Variants in CFTR observed in about 807,000 individuals in gnomAD.
CFTR encodes the protein cystic fibrosis transmembrane conductance regulator.
In CFTR, 181 loss-of-function variants were observed where a neutral mutation model predicts 171.6. That is an observed-to-expected ratio of 1.05 (90% CI 0.93 to 1.19). The LOEUF is 1.19. Ranked by LOEUF, CFTR falls within the 50% of genes most tolerant of loss-of-function variation. The pLI is 0.00. For synonymous variants in CFTR, 583 were observed against 608.0 expected (o/e 0.96, Z 0.60); for missense variants, 1,968 against 1,734.7 (o/e 1.13, Z -2.39).
chr7:117,502,084 A>G (rs972637968), intron 1 of CFTR, among the ~76,000 whole-genome samples: 3 of 152,094 alleles, frequency 2.0e-5, no homozygotes, highest in Admixed American at 2.0e-4. Context: ...TTTTCCGGAG[A>G]GGGGATTGTT....
intron 3 of CFTR, 112 bp from the exon 4 acceptor site, chr7:117,530,787 T>C: frequency 1.3e-6 from 1 of 745,040 alleles, no homozygotes; most frequent in Non-Finnish European, 2.4e-6. Context: ...TGACCCTCTA[T>C]ATAAACTCAT....
At chr7:117,522,417 T>C (rs1354896043) in intron 3 of CFTR, among the ~76,000 whole-genome samples, 5 of 152,192 alleles carry the variant, frequency 3.3e-5, no homozygotes, top group African/African-American at 1.2e-4. Flanking sequence ...ACAGCCAATG[T>C]AGGTAATGTG....
At chr7:117,601,432 T>C (rs1174580078) in intron 15 of CFTR, among the ~76,000 whole-genome samples, 1 of 152,138 alleles carries the variant, frequency 6.6e-6, no homozygotes, top group Non-Finnish European at 1.5e-5. Context: ...CTATCTGATA[T>C]GTGAATTTAA....
At chr7:117,653,005 A>G (rs1793111859) in intron 24 of CFTR, 74 bp downstream of exon 24, 1 of 907,240 alleles carries the variant, frequency 1.1e-6, no homozygotes, top group South Asian at 1.3e-5. Flanking sequence ...AGCTGACATC[A>G]TTCTACACAC....
chr7:117,524,755 T>C (rs916411484), intron 3 of CFTR, among the ~76,000 whole-genome samples: 3 of 152,194 alleles, frequency 2.0e-5, no homozygotes, highest in Non-Finnish European at 4.4e-5. Context: ...ACTGCTCCAA[T>C]GTATGGCAAT....
At chr7:117,640,228 G>T (rs559676478) in intron 22 of CFTR, among the ~76,000 whole-genome samples, 2 of 152,236 alleles carry the variant, frequency 1.3e-5, no homozygotes, top group South Asian at 2.1e-4. Flanking sequence ...TAATTATTAT[G>T]TGCCAGTTAT....
intron 26 of CFTR, 101 bp downstream of exon 26, chr7:117,665,665 C>T: frequency 1.2e-6 from 1 of 808,244 alleles, no homozygotes; most frequent in South Asian, 1.4e-5. Flanking sequence ...TGTACAAGTT[C>T]TTTTCAAAAA....
intron 3 of CFTR, among the ~76,000 whole-genome samples, chr7:117,529,039 T>C (rs1798809034): frequency 2.4e-5 from 1 of 42,270 alleles, no homozygotes; most frequent in Non-Finnish European, 3.5e-5. Context: ...GGACTATAAA[T>C]CATGCTGCTA....
chr7:117,530,946 T>A lies in CFTR; in HGVS notation c.321T>A (p.Ala107=), dbSNP rs778204477. 6.2e-7 allele frequency: 1 copy of A among 1,613,764 alleles called. No homozygotes were observed. The highest frequency in any genetic ancestry group is 1.3e-5 in the African/African-American group (1 of 75,044). The change falls in exon 4 of 27, where the codon GCT becomes GCA. Residue 107 remains alanine, a synonymous_variant. Transcript: ENST00000003084. The stretch of plus-strand genomic sequence containing the variant: ...CTCTCTTACTGGGAAGAATCATAGC[T>A]TCCTATGACCCGGATAACAAGGAGG... ...VQPLLLGRII[A]SYDPDNKEER...
intron 22 of CFTR, among the ~76,000 whole-genome samples, chr7:117,637,110 C>G (rs1228187685): frequency 1.3e-5 from 2 of 152,156 alleles, no homozygotes; most frequent in Non-Finnish European, 2.9e-5. Context: ...AGCCACCATG[C>G]CCTGCCTTTA....
At chr7:117,520,265 GT>G (rs200994526) in intron 3 of CFTR, among the ~76,000 whole-genome samples, 7,755 of 122,822 alleles carry the variant, frequency 0.063, 217 homozygotes, top group African/African-American at 0.074. Flanking sequence ...TTTCTAGTGA[GT>G]TTTTTTTTTT....
At chr7:117,631,566 T>C (rs768020423) in intron 22 of CFTR, among the ~76,000 whole-genome samples, 7 of 152,290 alleles carry the variant, frequency 4.6e-5, no homozygotes, top group Non-Finnish European at 7.4e-5. Flanking sequence ...GCCTATGTAA[T>C]GAAGCCACCC....
chr7:117,480,964 GTTA>G (rs759336376), intron 1 of CFTR, among the ~76,000 whole-genome samples: 3 of 152,134 alleles, frequency 2.0e-5, no homozygotes, highest in Non-Finnish European at 2.9e-5. Context: ...CTTTGTTCCT[GTTA>G]TTATACTGGT....
intron 18 of CFTR, among the ~76,000 whole-genome samples, chr7:117,609,769 A>C (rs999036006): frequency 9.2e-5 from 14 of 152,202 alleles, no homozygotes; most frequent in Non-Finnish European, 2.1e-4. Context: ...TTATTTAAAA[A>C]TAGTTTATTT....
At chr7:117,630,739 T>A (rs1336296293) in intron 22 of CFTR, among the ~76,000 whole-genome samples, 1 of 152,090 alleles carries the variant, frequency 6.6e-6, no homozygotes, top group Non-Finnish European at 1.5e-5. Context: ...CTTGGGCAGG[T>A]TCCCTCATCT....
At chr7:117,550,461 C>A (rs1001138539) in intron 10 of CFTR, among the ~76,000 whole-genome samples, 2 of 151,970 alleles carry the variant, frequency 1.3e-5, no homozygotes, top group South Asian at 2.1e-4. Flanking sequence ...CTTACAAAAA[C>A]ATTTTCTTTC....
chr7:117,544,567 T>C (rs1799108285), intron 9 of CFTR, among the ~76,000 whole-genome samples: 1 of 152,248 alleles, frequency 6.6e-6, no homozygotes, highest in African/African-American at 2.4e-5. Context: ...TGTATACTTC[T>C]TCTTACCCTT....
chr7:117,535,369 C>T lies in CFTR; in HGVS notation c.701C>T (p.Ala234Val), dbSNP rs769016520. Reference sequence around the variant, plus strand: ...GGACTTGGTTTCCTGATAGTCCTTGCCCTTTTTCAGGCTGGGCTAGGGAGA... The same window carrying T: ...GGACTTGGTTTCCTGATAGTCCTTGTCCTTTTTCAGGCTGGGCTAGGGAGA... ...FCGLGFLIVL[A>V]LFQAGLGRMM... Residue 234 changes from alanine (A) to valine (V), a missense_variant, in exon 6 of 27, where the codon GCC becomes GTC. Coordinates refer to ENST00000003084, the MANE Select transcript of CFTR (RefSeq NM_000492.4). 1 of 1,613,988 alleles carries T rather than the reference C, an allele frequency of 6.2e-7. No homozygotes were observed. The highest frequency in any genetic ancestry group is 1.1e-5 in the South Asian group (1 of 91,078).
At chr7:117,637,456 C>A (rs1372013501) in intron 22 of CFTR, among the ~76,000 whole-genome samples, 1 of 152,078 alleles carries the variant, frequency 6.6e-6, no homozygotes, top group Admixed American at 6.6e-5. Context: ...TTTGGTGGGA[C>A]ATAGTGACTA....
Sources: gnomAD v4.1 joint callset for allele counts (sites outside exome capture counted in the v4.1 genomes callset) on GRCh38, gnomAD v4.1.1 for gene constraint, MANE v1.5 for transcripts, NCBI Gene and HGNC (gene_info 2026-07-23, HGNC 2026-07-21) for gene names.